Variants in PRDM5 observed in about 807,000 individuals in gnomAD.
The protein encoded by PRDM5 is PR/SET domain 5.
Under a neutral mutation model 81.2 loss-of-function variants are expected in PRDM5, and 56 were observed. That is an observed-to-expected ratio of 0.69 (90% CI 0.56 to 0.86). PRDM5 has a LOEUF of 0.86. Among genes scored for constraint, PRDM5 ranks in the 40% least tolerant of loss-of-function variants. The pLI is 0.00. For missense variants in PRDM5, 697 were observed against 770.1 expected, an observed-to-expected ratio of 0.91 and a Z score of 1.12; for synonymous variants, 267 against 256.4, an observed-to-expected ratio of 1.04 and a Z score of -0.39.
intron 2 of PRDM5, among the ~76,000 whole-genome samples, chr4:120,887,077 C>T (rs191753476): frequency 3.4e-4 from 51 of 152,198 alleles, no homozygotes; most frequent in African/African-American, 1.2e-3. Context: ...TCCCAAGTAG[C>T]TGGGACTACA....
At chr4:120,730,745 A>T (rs922118895) in intron 14 of PRDM5, among the ~76,000 whole-genome samples, 53 of 152,268 alleles carry the variant, frequency 3.5e-4, no homozygotes, top group African/African-American at 1.2e-3. Flanking sequence ...AAGTCTAAAG[A>T]TAATACAGTG....
intron 14 of PRDM5, among the ~76,000 whole-genome samples, chr4:120,733,457 A>G (rs1740575227): frequency 6.6e-6 from 1 of 152,006 alleles, no homozygotes; most frequent in Admixed American, 6.6e-5. Flanking sequence ...CCTACCCCCA[A>G]TCTTGTTCCT....
chr4:120,823,751 C>T (rs1385601005), intron 3 of PRDM5, among the ~76,000 whole-genome samples: 1 of 152,156 alleles, frequency 6.6e-6, no homozygotes, highest in Admixed American at 6.5e-5. Flanking sequence ...AATCTCATGC[C>T]CTTTGGCAGG....
At chr4:120,780,716 C>T (rs745868409) in intron 12 of PRDM5, among the ~76,000 whole-genome samples, 1 of 152,036 alleles carries the variant, frequency 6.6e-6, no homozygotes, top group East Asian at 1.9e-4. Flanking sequence ...AGATCAAAGC[C>T]TATCCCAATA....
chr4:120,896,657 TCACACACACACACACA>T (rs374407164), intron 2 of PRDM5: 1 of 144,796 alleles, frequency 6.9e-6, no homozygotes, highest in Non-Finnish European at 1.5e-5. Context: ...CTTAAATATT[TCACACACACACACACA>T]CACACACACA....
chr4:120,911,952 T>C (rs374008871), intron 1 of PRDM5, among the ~76,000 whole-genome samples: 23 of 152,282 alleles, frequency 1.5e-4, no homozygotes, highest in African/African-American at 5.1e-4. Flanking sequence ...TCCTGCCTTT[T>C]CAATACTAAC....
intron 2 of PRDM5, among the ~76,000 whole-genome samples, chr4:120,887,280 C>G (rs1331655469): frequency 6.7e-6 from 1 of 148,856 alleles, no homozygotes; most frequent in Non-Finnish European, 1.5e-5. Context: ...ATCAGCAAGC[C>G]CCATCAGTGT....
intron 2 of PRDM5, among the ~76,000 whole-genome samples, chr4:120,871,063 C>T (rs765950469): frequency 1.6e-4 from 24 of 152,112 alleles, no homozygotes; most frequent in Non-Finnish European, 2.5e-4. Flanking sequence ...TGAACACCTC[C>T]CTCTCCACAT....
intron 3 of PRDM5, among the ~76,000 whole-genome samples, chr4:120,834,948 T>G (rs1276828650): frequency 1.3e-5 from 2 of 152,204 alleles, no homozygotes; most frequent in Non-Finnish European, 2.9e-5. Flanking sequence ...TAGAATTACA[T>G]GTGGGCTCTC....
chr4:120,811,062 T>C (rs113324990), intron 8 of PRDM5, among the ~76,000 whole-genome samples: 8 of 152,154 alleles, frequency 5.3e-5, no homozygotes, highest in African/African-American at 1.9e-4. Context: ...CTCATGCTCA[T>C]AGCTATGCTA....
chr4:120,810,823 C>T (rs1425217267), intron 8 of PRDM5, among the ~76,000 whole-genome samples: 1 of 152,126 alleles, frequency 6.6e-6, no homozygotes, highest in Non-Finnish European at 1.5e-5. Flanking sequence ...CAAGATATAA[C>T]CTCAGACATA....
intron 3 of PRDM5, among the ~76,000 whole-genome samples, chr4:120,826,122 C>T (rs1410197701): frequency 2.0e-5 from 3 of 152,070 alleles, no homozygotes; most frequent in Admixed American, 6.6e-5. Context: ...TTCCCAGAGA[C>T]GACTCCAACA....
chr4:120,893,739 G>C lies in PRDM5; in HGVS notation c.177+13735C>G, dbSNP rs145330069. ...CCTATTTCTACTGCTAATTATTTTA[G>C]TTTTCGCATTCACATTCGGAACATA... On this transcript the variant is annotated intron_variant, in intron 2 of 15. Coordinates refer to ENST00000264808, the MANE Select transcript of PRDM5 (RefSeq NM_018699.4). 2.0e-4 allele frequency among the ~76,000 whole-genome samples: 31 copies of C among 152,192 alleles called. No homozygotes were observed. In the East Asian group the frequency reaches 4.8e-3, roughly 24 times the overall value.
At chr4:120,893,486 T>C (rs776750538) in intron 2 of PRDM5, among the ~76,000 whole-genome samples, 110 of 152,228 alleles carry the variant, frequency 7.2e-4, no homozygotes, top group Admixed American at 6.5e-4. Flanking sequence ...TTTGATGCAG[T>C]TGACTTGCAC....
At position 120,730,513 on chromosome 4, in the gene PRDM5, C is replaced by T. The variant is rs538130542; in HGVS notation, c.1624-20100G>A. ...CTTTATCCCAAGATACCTGTGATAC[C>T]TTAGTAATTAAAATTCTCTGAATAG... On this transcript the variant is annotated intron_variant, in intron 14 of 15. Coordinates refer to ENST00000264808, the MANE Select transcript of PRDM5 (RefSeq NM_018699.4). Among the ~76,000 whole-genome samples, 222 of 152,172 alleles carry T rather than the reference C, an allele frequency of 1.5e-3. 1 individual carries two copies. Among genetic ancestry groups the T allele is most frequent in the African/African-American group, 5.3e-3 (219 of 41,518 alleles).
chr4:120,830,046 A>C (rs1756518450), intron 3 of PRDM5, among the ~76,000 whole-genome samples: 1 of 152,128 alleles, frequency 6.6e-6, no homozygotes, highest in Non-Finnish European at 1.5e-5. Context: ...TATAGCACTC[A>C]ACATACAAAG....
At chr4:120,846,866 T>C (rs1298927430) in intron 3 of PRDM5, among the ~76,000 whole-genome samples, 1 of 152,174 alleles carries the variant, frequency 6.6e-6, no homozygotes, top group Non-Finnish European at 1.5e-5. Flanking sequence ...GCCTGGTACG[T>C]AGCAGATGCT....
intron 14 of PRDM5, among the ~76,000 whole-genome samples, chr4:120,723,298 G>C (rs28557150): frequency 6.6e-6 from 1 of 152,034 alleles, no homozygotes; most frequent in African/African-American, 2.4e-5. Flanking sequence ...AAAGGAAGCC[G>C]AAAAAAATCT....
chr4:120,847,249 C>T (rs1758758522), intron 3 of PRDM5, among the ~76,000 whole-genome samples: 1 of 152,120 alleles, frequency 6.6e-6, no homozygotes, highest in Non-Finnish European at 1.5e-5. Flanking sequence ...TAGTATTCAA[C>T]AGAAGTGATG....
Sources: allele counts gnomAD v4.1 joint callset (sites outside exome capture counted in the v4.1 genomes callset), GRCh38; gene constraint gnomAD v4.1.1; transcripts MANE v1.5; gene names NCBI Gene and HGNC (gene_info 2026-07-23, HGNC 2026-07-21).